The following NELL1 variants were observed in gnomAD, a reference collection of about 807,000 sequenced individuals.
The protein encoded by NELL1 is neural EGFL like 1, also known as protein kinase C-binding protein NELL1.
A neutral mutation model predicts 107.4 loss-of-function variants in NELL1; 76 were observed. The ratio of observed to expected loss-of-function variants is 0.71; its 90% CI spans 0.59 to 0.86. The LOEUF (loss-of-function observed/expected upper bound fraction) is 0.86. Ranked by LOEUF, NELL1 falls within the 40% of genes least tolerant of loss-of-function variation. NELL1 has a pLI of 0.00. For missense variants in NELL1, 1,024 were observed against 1,005.5 expected, an observed-to-expected ratio of 1.02 and a Z score of -0.25; for synonymous variants, 353 against 341.2, an observed-to-expected ratio of 1.03 and a Z score of -0.38.
At chr11:21,552,194 G>A (rs1006875430) in intron 16 of NELL1, among the ~76,000 whole-genome samples, 13 of 149,422 alleles carry the variant, frequency 8.7e-5, no homozygotes, top group Non-Finnish European at 1.5e-4. Context: ...GCTAAATGAC[G>A]AGTTAATGGG....
intron 12 of NELL1, among the ~76,000 whole-genome samples, chr11:21,027,869 G>T (rs779562269): frequency 1.4e-4 from 22 of 152,140 alleles, no homozygotes; most frequent in Non-Finnish European, 3.2e-4. Context: ...GAGTTGTATT[G>T]CTGGGTGGGC....
intron 14 of NELL1, among the ~76,000 whole-genome samples, chr11:21,246,821 A>G (rs1565129046): frequency 6.6e-6 from 1 of 152,176 alleles, no homozygotes; most frequent in East Asian, 1.9e-4. Context: ...GCAAAAGGCA[A>G]AAGGCACACC....
intron 8 of NELL1, among the ~76,000 whole-genome samples, 195 bp from the exon 9 acceptor site, chr11:20,928,182 A>G (rs1016966997): frequency 6.6e-6 from 1 of 152,218 alleles, no homozygotes; most frequent in Admixed American, 6.5e-5. Context: ...GATGTATTTC[A>G]GAAAAGTAAT....
chr11:20,902,918 A>C (rs1279193218), intron 5 of NELL1, among the ~76,000 whole-genome samples: 2 of 152,214 alleles, frequency 1.3e-5, no homozygotes, highest in East Asian at 3.9e-4. Flanking sequence ...TTATTGATAC[A>C]TCCATATATA....
chr11:21,008,911 G>T (rs10500887), intron 12 of NELL1, among the ~76,000 whole-genome samples: 1 of 152,184 alleles, frequency 6.6e-6, no homozygotes, highest in East Asian at 1.9e-4. Flanking sequence ...AAATACTGTT[G>T]GTTTCGAGGT....
intron 16 of NELL1, among the ~76,000 whole-genome samples, chr11:21,536,368 T>G (rs528269685): frequency 6.6e-6 from 1 of 152,200 alleles, no homozygotes. Flanking sequence ...GCCATGGGAC[T>G]GCACACTTCT....
intron 14 of NELL1, among the ~76,000 whole-genome samples, chr11:21,344,904 G>A (rs975159308): frequency 2.6e-5 from 4 of 152,032 alleles, no homozygotes; most frequent in African/African-American, 9.7e-5. Context: ...TCAACACTAA[G>A]TGAATTTTCC....
At chr11:21,437,887 G>A (rs979582382) in intron 15 of NELL1, among the ~76,000 whole-genome samples, 2 of 152,104 alleles carry the variant, frequency 1.3e-5, no homozygotes, top group African/African-American at 2.4e-5. Flanking sequence ...TAAATTATTT[G>A]CATTCAAGGT....
At chr11:20,802,806 T>A (rs1564915189) in intron 3 of NELL1, among the ~76,000 whole-genome samples, 1 of 152,240 alleles carries the variant, frequency 6.6e-6, no homozygotes, top group African/African-American at 2.4e-5. Flanking sequence ...CAAATTATTT[T>A]CAGCATCAAG....
Position 20,964,187 on chromosome 11 carries a change from C to T in NELL1, c.1300+3627C>T, listed in dbSNP as rs140069185. On this transcript the variant is annotated intron_variant, in intron 12 of 19. Transcript: ENST00000357134. ...CTGAGGCTTTTTCCTTTTTTAATGA[C>T]ATTTTCAACAGGTTGGTCTTAAGTA... 5.4e-3 allele frequency among the ~76,000 whole-genome samples: 823 copies of T among 152,136 alleles called. 7 individuals carry two copies. Among genetic ancestry groups the T allele is most frequent in the African/African-American group, 0.019 (785 of 41,516 alleles).
At chr11:21,422,210 G>T (rs1440317847) in intron 15 of NELL1, among the ~76,000 whole-genome samples, 3 of 152,044 alleles carry the variant, frequency 2.0e-5, no homozygotes, top group Non-Finnish European at 4.4e-5. Flanking sequence ...ACCCTGCCCT[G>T]CAGGAAATCT....
At chr11:20,972,369 A>G (rs1851519209) in intron 12 of NELL1, among the ~76,000 whole-genome samples, 1 of 152,110 alleles carries the variant, frequency 6.6e-6, no homozygotes, top group Non-Finnish European at 1.5e-5. Context: ...AGTAGTTAGG[A>G]AGGGGAGGGC....
chr11:21,408,306 A>C (rs1417477733), intron 15 of NELL1, among the ~76,000 whole-genome samples: 1 of 151,958 alleles, frequency 6.6e-6, no homozygotes, highest in African/African-American at 2.4e-5. Flanking sequence ...CTTGCCTGGG[A>C]CTCAGCATAA....
chr11:21,446,171 C>T (rs998245750), intron 15 of NELL1, among the ~76,000 whole-genome samples: 6 of 151,944 alleles, frequency 3.9e-5, no homozygotes, highest in African/African-American at 1.5e-4. Flanking sequence ...TTTTCAACTC[C>T]AGAATTTCTG....
intron 14 of NELL1, among the ~76,000 whole-genome samples, chr11:21,288,861 C>T (rs1001940736): frequency 5.9e-5 from 9 of 152,100 alleles, no homozygotes; most frequent in Non-Finnish European, 1.2e-4. Flanking sequence ...GATTGTCAGT[C>T]AGGGGGCCTC....
chr11:21,558,882 A>G (rs565489178), intron 16 of NELL1, among the ~76,000 whole-genome samples: 1 of 152,192 alleles, frequency 6.6e-6, no homozygotes, highest in South Asian at 2.1e-4. Flanking sequence ...GAGAGGCTAT[A>G]TGAAAGGAGC....
intron 11 of NELL1, among the ~76,000 whole-genome samples, chr11:20,954,545 G>C (rs1851132672): frequency 6.6e-6 from 1 of 152,198 alleles, no homozygotes; most frequent in South Asian, 2.1e-4. Flanking sequence ...TGCGGGCAGA[G>C]AATATCTTAA....
intron 12 of NELL1, among the ~76,000 whole-genome samples, chr11:21,083,032 T>A (rs1300306089): frequency 6.6e-6 from 1 of 152,210 alleles, no homozygotes; most frequent in African/African-American, 2.4e-5. Context: ...GCGGCTTGAA[T>A]AATGAATATT....
intron 15 of NELL1, among the ~76,000 whole-genome samples, chr11:21,448,397 T>C (rs1196344880): frequency 2.0e-5 from 3 of 152,224 alleles, no homozygotes; most frequent in Non-Finnish European, 4.4e-5. Context: ...AGTGATTCTG[T>C]ATATTTTCAA....
Sources: gnomAD v4.1 joint callset for allele counts (sites outside exome capture counted in the v4.1 genomes callset) on GRCh38, gnomAD v4.1.1 for gene constraint, MANE v1.5 for transcripts, NCBI Gene and HGNC (gene_info 2026-07-23, HGNC 2026-07-21) for gene names.